The following ATP1A3 variants were observed in gnomAD, a reference collection of about 807,000 sequenced individuals.
ATP1A3 encodes the protein sodium/potassium-transporting ATPase subunit alpha-3.
ATP1A3 carries 12 observed loss-of-function variants against 108.8 expected under a neutral mutation model. The ratio of observed to expected loss-of-function variants is 0.11; its 90% CI spans 0.07 to 0.18. The LOEUF is 0.18. Ranked by LOEUF, ATP1A3 falls within the 10% of genes least tolerant of loss-of-function variation. The probability of loss-of-function intolerance (pLI) is 1.00; values close to 1 mark genes in which losing one functional copy is unlikely to be tolerated. For missense variants in ATP1A3, 498 were observed against 1,387.7 expected, an observed-to-expected ratio of 0.36 and a Z score of 10.19; for synonymous variants, 539 against 564.5, an observed-to-expected ratio of 0.95 and a Z score of 0.64.
At position 41,992,479 on chromosome 19, in the gene ATP1A3, C is replaced by T. The variant is rs180738500; in HGVS notation, c.6+1592G>A. Among the ~76,000 whole-genome samples the T allele has an allele frequency of 2.1e-3, 326 of 152,244 alleles. 2 individuals are homozygous for T. The highest frequency in any genetic ancestry group is 6.8e-3 in the Middle Eastern group (2 of 294). On this transcript the variant is annotated intron_variant, in intron 1 of 22. Coordinates refer to ENST00000648268, the MANE Select transcript of ATP1A3 (RefSeq NM_152296.5). ...GCTCCCGCAGCCTCTGCGCCTGGGC[C>T]GGCCTCCCTTCCCCCTCGCAGGGGA...
rs1257535574 is a variant in ATP1A3 at position 41,970,383 on chromosome 19, C to T, written c.2418+5G>A. 6.2e-7 allele frequency: 1 copy of T among 1,614,142 alleles called. No individual in the cohort carries two copies. Among genetic ancestry groups the T allele is most frequent in the African/African-American group, 1.3e-5 (1 of 74,954 alleles). On this transcript the variant is annotated splice_donor_5th_base_variant and intron_variant, in intron 17 of 22. Transcript: ENST00000648268. The stretch of plus-strand genomic sequence containing the variant: ...TGGGCCCCAAGGGTGGCTGCCAGGG[C>T]TCACCATGTCAGTGCCCAGATCGAT...
intron 16 of ATP1A3, 64 bp from the exon 17 acceptor site, chr19:41,970,606 C>T: frequency 6.4e-7 from 1 of 1,559,188 alleles, no homozygotes; most frequent in Non-Finnish European, 8.8e-7. Flanking sequence ...TCTGCCCCTC[C>T]TCTGCCCTCA....
rs2075304375 is a variant in ATP1A3 at position 41,988,222 on chromosome 19, C to T, written c.154-83G>A. On this transcript the variant is annotated intron_variant, in intron 3 of 22. Coordinates refer to ENST00000648268, the MANE Select transcript of ATP1A3 (RefSeq NM_152296.5). This position sits in a 1 kb window ranked among gnomAD's most constrained non-coding sequence, Gnocchi z 5.3. ...TTCACCAGACCCCCAGAACTTAAGA[C>T]ACCAGCCACAGCCCCTCCTCCCTCA... The T allele has an allele frequency of 1.4e-5, 22 of 1,612,150 alleles. No individual in the cohort carries two copies. Among genetic ancestry groups the T allele is most frequent in the South Asian group, 1.1e-5 (1 of 91,050 alleles).
chr19:41,981,735 A>G lies in ATP1A3; in HGVS notation c.1289T>C (p.Ile430Thr). 6.2e-7 allele frequency: 1 copy of G among 1,614,162 alleles called. No individual in the cohort carries two copies. Among genetic ancestry groups the G allele is most frequent in the Non-Finnish European group, 8.5e-7 (1 of 1,180,036 alleles). Residue 430 changes from isoleucine to threonine, a missense_variant, in exon 10 of 23, where the codon ATC becomes ACC. By Grantham distance (89) the Ile-to-Thr change is moderately conservative. This residue lies in a region of ATP1A3 where 36 missense variants were observed against 58.7 expected (regional missense o/e 0.61). Coordinates refer to ENST00000648268, the MANE Select transcript of ATP1A3 (RefSeq NM_152296.5). This position sits in a 1 kb window ranked among gnomAD's most constrained non-coding sequence, Gnocchi z 5.0. ...RAVFKGGQDN[I>T]PVLKRDVAGD... is the part of the protein sequence containing the mutation. ...AGCTGAACCCACCTTGAGCACAGGG[A>G]TGTTGTCCTGACCACCCTTGAAGAC...
chr19:41,980,682 C>G (rs190000085), intron 11 of ATP1A3, among the ~76,000 whole-genome samples: 115 of 152,068 alleles, frequency 7.6e-4, no homozygotes, highest in Non-Finnish European at 1.4e-3. Context: ...GAGGCTGAGG[C>G]GGGCAGATCA....
intron 1 of ATP1A3, among the ~76,000 whole-genome samples, chr19:41,991,561 G>A (rs894144567): frequency 1.3e-5 from 2 of 152,208 alleles, no homozygotes; most frequent in East Asian, 1.9e-4. Flanking sequence ...AAGGCCTGGG[G>A]TCAAGTCCTG....
intron 16 of ATP1A3, among the ~76,000 whole-genome samples, chr19:41,975,213 G>C (rs1209225995): frequency 6.6e-6 from 1 of 152,136 alleles, no homozygotes; most frequent in Non-Finnish European, 1.5e-5. Flanking sequence ...CACAATGCCC[G>C]GCTAATTTTT....
intron 11 of ATP1A3, among the ~76,000 whole-genome samples, chr19:41,979,063 C>T (rs2075203148): frequency 6.6e-6 from 1 of 151,602 alleles, no homozygotes; most frequent in African/African-American, 2.4e-5. Context: ...AGTGCAGTGG[C>T]ACGATCTCAG....
chr19:41,985,283 T>A lies in ATP1A3; in HGVS notation c.724+23A>T, dbSNP rs73932862. 1.5e-3 allele frequency: 2,499 copies of A among 1,613,922 alleles called. 32 individuals are homozygous for A. The African/African-American group carries it at 0.029, about 18-fold the overall frequency. On this transcript the variant is annotated intron_variant, in intron 7 of 22. Coordinates refer to ENST00000648268, the MANE Select transcript of ATP1A3 (RefSeq NM_152296.5). The surrounding 1 kb of genome is among the most constrained non-coding windows in gnomAD (Gnocchi z 8.2). The stretch of plus-strand genomic sequence containing the variant: ...CATCCCTGTGTCTGCCCCAGCTGTG[T>A]GTCTTCTCTGCACCCGCCTCACCTT...
rs151043109 is a variant in ATP1A3 at position 41,971,903 on chromosome 19, C to T, written c.2264-1361G>A. On this transcript the variant is annotated intron_variant, in intron 16 of 22. Coordinates refer to ENST00000648268, the MANE Select transcript of ATP1A3 (RefSeq NM_152296.5). ...ATATGCCCAACTCACTGTATGCATG[C>T]CATATCTCAATAAATATTCAACCAG... is the stretch of plus-strand genomic sequence containing the variant. Among the ~76,000 whole-genome samples, 845 of 152,132 alleles carry T rather than the reference C, an allele frequency of 5.6e-3. 8 individuals carry two copies. The highest frequency in any genetic ancestry group is 0.02 in the African/African-American group (817 of 41,494).
At chr19:41,989,316 CTTTTT>C (rs1217199421) in intron 1 of ATP1A3, among the ~76,000 whole-genome samples, 1 of 134,800 alleles carries the variant, frequency 7.4e-6, no homozygotes. Context: ...ACATATCTGT[CTTTTT>C]TTTTTTTTTT....
At chr19:41,986,990 T>G (rs569492753) in intron 4 of ATP1A3, among the ~76,000 whole-genome samples, 12 of 151,098 alleles carry the variant, frequency 7.9e-5, no homozygotes, top group Non-Finnish European at 1.8e-4. Flanking sequence ...GTTACCCTCC[T>G]GCCTTGGCCT....
Position 41,968,686 on chromosome 19 carries a change from CA to C in ATP1A3, c.2819+98del. On this transcript the variant is annotated intron_variant, in intron 20 of 22. Coordinates refer to ENST00000648268, the MANE Select transcript of ATP1A3 (RefSeq NM_152296.5). This position sits in a 1 kb window ranked among gnomAD's most constrained non-coding sequence, Gnocchi z 5.0. Reference sequence around the variant, plus strand: ...GTGAGACCCTGCCTCAACAAAACAACAAAAAACCAAAGCAAGGACACAAGAG... The same window carrying C: ...GTGAGACCCTGCCTCAACAAAACAACAAAAACCAAAGCAAGGACACAAGAG... 5.1e-6 allele frequency: 8 copies of C among 1,579,220 alleles called. No homozygotes were observed. The highest frequency in any genetic ancestry group is 4.5e-5 in the South Asian group (4 of 89,280).
At position 41,985,429 on chromosome 19, in the gene ATP1A3, G is replaced by A. The variant is rs782118478; in HGVS notation, c.607-6C>T. ...GTCAGGGAGGAGTTGTCCACCTGGG[G>A]GTAGGTGCAGCAGAGAGAGGGTTCA... On this transcript the variant is annotated splice_region_variant and splice_polypyrimidine_tract_variant and intron_variant, in intron 6 of 22. Coordinates refer to ENST00000648268, the MANE Select transcript of ATP1A3 (RefSeq NM_152296.5). The surrounding 1 kb of genome is among the most constrained non-coding windows in gnomAD (Gnocchi z 8.2). 1.9e-6 allele frequency: 3 copies of A among 1,612,742 alleles called. No individual in the cohort carries two copies. The highest frequency in any genetic ancestry group is 1.7e-5 in the Admixed American group (1 of 60,026).
Position 41,978,508 on chromosome 19 carries a change from G to A in ATP1A3, c.1630+98C>T. The A allele has an allele frequency of 6.5e-7, 1 of 1,539,324 alleles. No homozygotes were observed. The highest frequency in any genetic ancestry group is 8.9e-7 in the Non-Finnish European group (1 of 1,124,820). Reference sequence around the variant, plus strand: ...TCATTCATTCATTCATTCATTTACAGTATATTCTGGGAGGCCCTGGGCTGA... The same window carrying A: ...TCATTCATTCATTCATTCATTTACAATATATTCTGGGAGGCCCTGGGCTGA... On this transcript the variant is annotated intron_variant, in intron 12 of 22. Coordinates refer to ENST00000648268, the MANE Select transcript of ATP1A3 (RefSeq NM_152296.5). The surrounding 1 kb of genome is among the most constrained non-coding windows in gnomAD (Gnocchi z 8.3).
chr19:41,991,387 A>G (rs1387023096), intron 1 of ATP1A3, among the ~76,000 whole-genome samples: 1 of 152,158 alleles, frequency 6.6e-6, no homozygotes, highest in Non-Finnish European at 1.5e-5. Flanking sequence ...GCCCCACGCC[A>G]GCCCTGCAGC....
intron 1 of ATP1A3, among the ~76,000 whole-genome samples, chr19:41,991,511 G>A (rs1200416814): frequency 3.9e-5 from 6 of 152,200 alleles, no homozygotes; most frequent in Admixed American, 2.6e-4. Context: ...GTAGACCCAG[G>A]ATGGAGAGAC....
rs1359359119 is a variant in ATP1A3, at chr19:41,991,984, C to T, written c.6+2087G>A. ...TGGTCTGAGGGAAGAGGGGCTGGGG[C>T]CTGGACTCCTGGATCTGAGGGAGGA... On this transcript the variant is annotated intron_variant, in intron 1 of 22. Transcript: ENST00000648268. Among the ~76,000 whole-genome samples, 44 of 135,562 alleles carry T rather than the reference C, an allele frequency of 3.2e-4. 1 individual carries two copies. Among genetic ancestry groups the T allele is most frequent in the Middle Eastern group, 4.2e-3 (1 of 240 alleles). 88.9% of individuals were successfully genotyped at this position (135,562 alleles called of 152,430 possible).
At chr19:41,993,944 C>T (rs1189074512) in intron 1 of ATP1A3, 127 bp downstream of exon 1, 7 of 1,523,994 alleles carry the variant, frequency 4.6e-6, no homozygotes, top group Non-Finnish European at 6.2e-6. Context: ...GGTCAGCCGG[C>T]TCCCCGGGTC....
Sources: allele counts gnomAD v4.1 joint callset (sites outside exome capture counted in the v4.1 genomes callset), GRCh38; gene constraint gnomAD v4.1.1; regional missense constraint gnomAD v4.1.1; non-coding constraint Gnocchi (gnomAD v3.1); transcripts MANE v1.5; gene names NCBI Gene and HGNC (gene_info 2026-07-23, HGNC 2026-07-21).